CACNG4: variants seen among roughly 807,000 people sequenced by gnomAD.
The protein encoded by CACNG4 is voltage-dependent calcium channel gamma-4 subunit.
In CACNG4, 8 loss-of-function variants were observed where a neutral mutation model predicts 22.9. The observed-to-expected ratio is 0.35, with a 90% CI of 0.21 to 0.63. CACNG4 has a LOEUF of 0.63. CACNG4 is among the 30% of genes least tolerant of loss of function. The pLI is 0.72. For synonymous variants in CACNG4, 188 were observed against 191.9 expected, an observed-to-expected ratio of 0.98 and a Z score of 0.17; for missense variants, 357 against 455.4, an observed-to-expected ratio of 0.78 and a Z score of 1.97.
At chr17:66,974,819 A>G (rs536332759) in intron 1 of CACNG4, among the ~76,000 whole-genome samples, 11 of 152,256 alleles carry the variant, frequency 7.2e-5, no homozygotes, top group East Asian at 1.9e-4. Flanking sequence ...CCCAGGGTCT[A>G]TCTGGAGTTG....
At chr17:67,002,137 C>T (rs183815152) in intron 1 of CACNG4, among the ~76,000 whole-genome samples, 13 of 152,316 alleles carry the variant, frequency 8.5e-5, no homozygotes, top group Admixed American at 3.9e-4. Flanking sequence ...CACAGTTCCA[C>T]GTGGCTGGAG....
Position 66,965,025 on chromosome 17 carries a change from G to T in CACNG4, c.114G>T (p.Ala38=). Reference sequence around the variant, plus strand: ...CCGACTACTGGCTGTACTCCAGCGCGCACATCTGCAACGGCACCAACCTGA... The same window carrying T: ...CCGACTACTGGCTGTACTCCAGCGCTCACATCTGCAACGGCACCAACCTGA... ...IGTDYWLYSS[A]HICNGTNLTM... is the part of the protein sequence containing the mutation. Residue 38 remains alanine, a synonymous_variant, in exon 1 of 4, where the codon GCG becomes GCT. Coordinates refer to ENST00000262138, the MANE Select transcript of CACNG4 (RefSeq NM_014405.4). The T allele has an allele frequency of 1.2e-6, 2 of 1,611,056 alleles. No individual in the cohort carries two copies. The highest frequency in any genetic ancestry group is 1.1e-5 in the South Asian group (1 of 90,970).
At chr17:67,008,457 G>C (rs1027143608) in intron 1 of CACNG4, among the ~76,000 whole-genome samples, 1 of 152,162 alleles carries the variant, frequency 6.6e-6, no homozygotes, top group African/African-American at 2.4e-5. Flanking sequence ...GGGAGCAGGG[G>C]GCAGGGCTGG....
intron 2 of CACNG4, among the ~76,000 whole-genome samples, chr17:67,021,464 C>T (rs998502711): frequency 1.3e-5 from 2 of 152,222 alleles, no homozygotes; most frequent in African/African-American, 4.8e-5. Context: ...GAAGGAACTC[C>T]GCCCCGAGCC....
intron 1 of CACNG4, among the ~76,000 whole-genome samples, chr17:67,016,109 A>AC (rs1423802579): frequency 2.6e-5 from 4 of 151,588 alleles, no homozygotes; most frequent in African/African-American, 9.7e-5. Context: ...AACAGCAGCA[A>AC]CCCCCCAACT....
At chr17:66,979,613 C>G (rs7222966) in intron 1 of CACNG4, among the ~76,000 whole-genome samples, 1 of 152,002 alleles carries the variant, frequency 6.6e-6, no homozygotes, top group Non-Finnish European at 1.5e-5. Flanking sequence ...CTTCTTCTTT[C>G]GAACTTCTGT....
In CACNG4 at chr17:67,030,495, T is replaced by C; in HGVS notation, c.475T>C (p.Tyr159His). 1 of 1,614,038 alleles carries C rather than the reference T, an allele frequency of 6.2e-7. No individual in the cohort carries two copies. The stretch of plus-strand genomic sequence containing the variant: ...CAGTAACATCATCGGTATCATCGTC[T>C]ACATTTCCAGCAACACAGGTGACCC... ...GLSNIIGIIVYISSNTGDPSD... is the reference protein window; with the variant it reads ...GLSNIIGIIVHISSNTGDPSD... Residue 159 changes from tyrosine (Y) to histidine (H), a missense_variant, in exon 4 of 4, where the codon TAC becomes CAC. Transcript: ENST00000262138. The surrounding 1 kb of genome is among the most constrained non-coding windows in gnomAD (Gnocchi z 6.4).
intron 1 of CACNG4, among the ~76,000 whole-genome samples, chr17:66,985,325 A>G (rs1159593146): frequency 6.6e-6 from 1 of 152,244 alleles, no homozygotes; most frequent in African/African-American, 2.4e-5. Flanking sequence ...CTACTGCTCA[A>G]GCAGCATTCG....
intron 1 of CACNG4, among the ~76,000 whole-genome samples, chr17:67,011,515 GC>G (rs1253498877): frequency 1.3e-5 from 2 of 152,108 alleles, no homozygotes; most frequent in Admixed American, 1.3e-4. Context: ...AGCCCGCCTT[GC>G]CCTGCTCCAC....
chr17:66,964,845 C>T lies in CACNG4; in HGVS notation c.-67C>T. 1.0e-6 allele frequency: 1 copy of T among 971,976 alleles called. No individual in the cohort carries two copies. The highest frequency in any genetic ancestry group is 1.3e-6 in the Non-Finnish European group (1 of 791,058). 60.2% of individuals were successfully genotyped at this position (971,976 alleles called of 1,614,324 possible). ...ACCCCGGCGCCCCCGGAGCGGCGCG[C>T]GGAGGGAGGAGGGCGGGCGGGCGCG... On this transcript the variant is annotated 5_prime_UTR_variant, in exon 1 of 4. Coordinates refer to ENST00000262138, the MANE Select transcript of CACNG4 (RefSeq NM_014405.4).
intron 1 of CACNG4, among the ~76,000 whole-genome samples, chr17:66,972,795 G>T (rs1461882210): frequency 6.6e-6 from 1 of 151,948 alleles, no homozygotes; most frequent in Non-Finnish European, 1.5e-5. Context: ...GCGTAGTGGT[G>T]CATGCTTGTC....
chr17:66,965,194 A>ACCCCCC, intron 1 of CACNG4, 63 bp downstream of exon 1: 1 of 909,814 alleles, frequency 1.1e-6, no homozygotes, highest in Non-Finnish European at 1.5e-6. Flanking sequence ...ACATATACAC[A>ACCCCCC]CGCGCGCGCG....
intron 1 of CACNG4, among the ~76,000 whole-genome samples, chr17:67,006,398 G>A (rs1282691079): frequency 1.3e-5 from 2 of 152,170 alleles, no homozygotes; most frequent in African/African-American, 2.4e-5. Context: ...CTCCTTACAG[G>A]ACGGTTCTGG....
At chr17:66,991,663 A>G (rs536090649) in intron 1 of CACNG4, among the ~76,000 whole-genome samples, 1 of 152,284 alleles carries the variant, frequency 6.6e-6, no homozygotes, top group Non-Finnish European at 1.5e-5. Flanking sequence ...GGAACCATCC[A>G]GACAGGATTC....
rs1410371798 is a variant in CACNG4 at position 67,031,408 on chromosome 17, CA to C, written c.*405del. The C allele has an allele frequency of 2.2e-6, 1 of 464,364 alleles. No individual in the cohort carries two copies. The highest frequency in any genetic ancestry group is 4.3e-6 in the Non-Finnish European group (1 of 232,270). The allele number at this position is 464,364 out of a possible 1,614,324, so 28.8% of individuals were successfully genotyped here. A position where few individuals can be genotyped will look rare whatever the true frequency, so the allele number is the denominator to read the frequency against. On this transcript the variant is annotated 3_prime_UTR_variant, in exon 4 of 4. Transcript: ENST00000262138. This position sits in a 1 kb window ranked among gnomAD's most constrained non-coding sequence, Gnocchi z 4.0. ...TTCCCTCCCTGCCTGGGTGTCGGGC[CA>C]CCAGAAGGCTCTGCCGGACGCCAAG...
chr17:66,979,743 T>A (rs941676404), intron 1 of CACNG4, among the ~76,000 whole-genome samples: 2 of 139,228 alleles, frequency 1.4e-5, no homozygotes, highest in African/African-American at 5.5e-5. Flanking sequence ...GTTCTTTTCA[T>A]GCTTTTTTTT....
intron 1 of CACNG4, among the ~76,000 whole-genome samples, chr17:66,982,957 G>T (rs1244215883): frequency 6.6e-6 from 1 of 152,210 alleles, no homozygotes; most frequent in Non-Finnish European, 1.5e-5. Flanking sequence ...TGTGAGGCAG[G>T]TGCTAGCACT....
intron 1 of CACNG4, among the ~76,000 whole-genome samples, chr17:66,971,891 C>T (rs547795427): frequency 3.9e-5 from 6 of 152,196 alleles, no homozygotes; most frequent in South Asian, 4.2e-4. Flanking sequence ...CAAGGAAGTA[C>T]GGTGATCTGG....
rs1166120014 is a variant in CACNG4, at chr17:67,027,722, T to A, written c.445+2722T>A. On this transcript the variant is annotated intron_variant, in intron 3 of 3. Coordinates refer to ENST00000262138, the MANE Select transcript of CACNG4 (RefSeq NM_014405.4). The surrounding 1 kb of genome is among the most constrained non-coding windows in gnomAD (Gnocchi z 4.3). ...AGCTAGGGAAGCAGCAAGAGAGAGA[T>A]CAGAGGGGAGACAGGTGAACTAGCG... Among the ~76,000 whole-genome samples the A allele has an allele frequency of 6.6e-6, 1 of 152,032 alleles. No individual in the cohort carries two copies. Among genetic ancestry groups the A allele is most frequent in the Non-Finnish European group, 1.5e-5 (1 of 68,014 alleles).
Sources: gnomAD v4.1 joint callset for allele counts (sites outside exome capture counted in the v4.1 genomes callset) on GRCh38, gnomAD v4.1.1 for gene constraint, Gnocchi (gnomAD v3.1) non-coding constraint, MANE v1.5 for transcripts, NCBI Gene and HGNC (gene_info 2026-07-23, HGNC 2026-07-21) for gene names.